COL6A6: variants seen among roughly 807,000 people sequenced by gnomAD.
COL6A6 encodes collagen type VI alpha 6 chain, also known as collagen alpha-6(VI) chain.
In COL6A6, 183 loss-of-function variants were observed where a neutral mutation model predicts 208.6. The observed-to-expected ratio is 0.88, with a 90% CI of 0.78 to 0.99. The LOEUF (loss-of-function observed/expected upper bound fraction) is 0.99, where lower values mean the gene tolerates loss of function less well. Ranked by LOEUF, COL6A6 falls within the 50% of genes least tolerant of loss-of-function variation. The pLI, the probability that COL6A6 is intolerant of heterozygous loss-of-function variation, is 0.00. For synonymous variants in COL6A6, 973 were observed against 1,011.8 expected (o/e 0.96, Z 0.73); for missense variants, 2,816 against 2,815.2 (o/e 1.00, Z -0.01).
At chr3:130,616,215 G>T (rs2064516172) in intron 23 of COL6A6, among the ~76,000 whole-genome samples, 1 of 151,354 alleles carries the variant, frequency 6.6e-6, no homozygotes, top group Admixed American at 6.6e-5. Context: ...CCCTGCCATA[G>T]GTTTCATATT....
chr3:130,597,940 C>T (rs574716697), intron 18 of COL6A6, among the ~76,000 whole-genome samples: 34 of 152,256 alleles, frequency 2.2e-4, no homozygotes, highest in African/African-American at 7.9e-4. Flanking sequence ...CAAATTTTGT[C>T]TTTTCCCAAG....
chr3:130,602,822 A>G (rs1041951906), intron 20 of COL6A6, among the ~76,000 whole-genome samples: 1 of 152,224 alleles, frequency 6.6e-6, no homozygotes, highest in Admixed American at 6.5e-5. Context: ...ATATTTCTAG[A>G]TGGAGGAGTT....
chr3:130,578,841 C>A (rs1335491561), intron 8 of COL6A6, among the ~76,000 whole-genome samples: 1 of 152,174 alleles, frequency 6.6e-6, no homozygotes, highest in Non-Finnish European at 1.5e-5. Context: ...GGTGGCCGTT[C>A]TGCAGTGAGC....
Position 130,599,799 on chromosome 3 carries a change from A to C in COL6A6, c.4642A>C (p.Arg1548=). ...WPGPPGTPGS[R]RKTAAHGRRG... is the part of the protein sequence containing the mutation. ...AGGCCCCCCCGGGACACCAGGCTCC[A>C]GAAGAAAGACAGTAAGAGCCCTTCT... Residue 1548 remains arginine, a synonymous_variant, in exon 20 of 37, where the codon AGA becomes CGA. Coordinates refer to ENST00000358511, the MANE Select transcript of COL6A6 (RefSeq NM_001102608.3). 6.2e-7 allele frequency: 1 copy of C among 1,613,780 alleles called. No individual in the cohort carries two copies. The highest frequency in any genetic ancestry group is 1.1e-5 in the South Asian group (1 of 91,068).
At chr3:130,600,786 A>G in intron 20 of COL6A6, among the ~76,000 whole-genome samples, 1 of 152,122 alleles carries the variant, frequency 6.6e-6, no homozygotes, top group Non-Finnish European at 1.5e-5. Flanking sequence ...CTAGATGAAC[A>G]GTTGATAGGT....
intron 1 of COL6A6, among the ~76,000 whole-genome samples, chr3:130,554,688 C>A (rs2062727499): frequency 6.6e-6 from 1 of 152,280 alleles, no homozygotes; most frequent in African/African-American, 2.4e-5. Context: ...ATAAGGTGTA[C>A]ACATCCACCT....
Position 130,583,115 on chromosome 3 carries a change from A to G in COL6A6, c.3970+1047A>G, listed in dbSNP as rs541654640. On this transcript the variant is annotated intron_variant, in intron 10 of 36. Transcript: ENST00000358511. The stretch of plus-strand genomic sequence containing the variant: ...ACTCTGTTTCTAGGGAACATGACCT[A>G]AGACATTATCTCTCAGGTTAGCTAA... Among the ~76,000 whole-genome samples, 3 of 152,202 alleles carry G rather than the reference A, an allele frequency of 2.0e-5. No individual in the cohort carries two copies. In the South Asian group the frequency reaches 6.2e-4, roughly 32 times the overall value.
intron 2 of COL6A6, among the ~76,000 whole-genome samples, chr3:130,562,465 C>A (rs568911193): frequency 6.6e-6 from 1 of 152,094 alleles, no homozygotes; most frequent in Non-Finnish European, 1.5e-5. Flanking sequence ...TTTAAAATAA[C>A]CTTGAAAAAG....
chr3:130,622,997 T>C (rs1357883045), intron 24 of COL6A6, among the ~76,000 whole-genome samples: 1 of 151,494 alleles, frequency 6.6e-6, no homozygotes, highest in African/African-American at 2.4e-5. Flanking sequence ...GAAGAGGAGG[T>C]ATCTAGGCAT....
In COL6A6 at chr3:130,563,565, A is replaced by C; in HGVS notation, c.562A>C (p.Thr188Pro). The change falls in exon 3 of 37, where the codon ACA becomes CCA. Residue 188 changes from threonine to proline, a missense_variant. Transcript: ENST00000358511. The stretch of plus-strand genomic sequence containing the variant: ...GTCTCAGTTTCATTTCAACCTTCGG[A>C]CAGTCAGAGACCTCAGCATGTTTTC... ...ATSQFHFNLR[T>P]VRDLSMFSQN... The C allele has an allele frequency of 6.2e-7, 1 of 1,614,058 alleles. No homozygotes were observed. Among genetic ancestry groups the C allele is most frequent in the Non-Finnish European group, 8.5e-7 (1 of 1,179,896 alleles).
intron 34 of COL6A6, among the ~76,000 whole-genome samples, chr3:130,661,111 T>C (rs2065919765): frequency 6.6e-6 from 1 of 152,232 alleles, no homozygotes; most frequent in South Asian, 2.1e-4. Context: ...ATGAGCACTA[T>C]GGAAATGCAA....
chr3:130,597,057 A>G (rs1462540082), intron 18 of COL6A6, among the ~76,000 whole-genome samples: 1 of 152,184 alleles, frequency 6.6e-6, no homozygotes, highest in Non-Finnish European at 1.5e-5. Flanking sequence ...GTGCTGGTAT[A>G]TGATTCTTTT....
rs992044466 is a variant in COL6A6 at position 130,517,300 on chromosome 3, C to T, written c.-129C>T. ...CGCAGGCGGCACCAAACTCTGCGCTCCCCGCGGTGCGCCCTGCCCGCGCAG... is the reference window on the plus strand; with the variant it reads ...CGCAGGCGGCACCAAACTCTGCGCTTCCCGCGGTGCGCCCTGCCCGCGCAG... On this transcript the variant is annotated 5_prime_UTR_variant, in exon 1 of 37. Transcript: ENST00000358511. Among the ~76,000 whole-genome samples, 1 of 152,226 alleles carries T rather than the reference C, an allele frequency of 6.6e-6. No individual in the cohort carries two copies. Among genetic ancestry groups the T allele is most frequent in the Admixed American group, 6.5e-5 (1 of 15,286 alleles).
chr3:130,646,592 G>A (rs2065467658), intron 32 of COL6A6, among the ~76,000 whole-genome samples: 1 of 152,106 alleles, frequency 6.6e-6, no homozygotes, highest in African/African-American at 2.4e-5. Flanking sequence ...AAAACCAAAG[G>A]AGCCATCTTT....
intron 12 of COL6A6, chr3:130,589,981 T>G (rs1482320195): frequency 2.2e-6 from 1 of 447,348 alleles, no homozygotes; most frequent in Admixed American, 2.4e-5. Flanking sequence ...CAGCTTCATG[T>G]AAAGAGAGTG....
At position 130,581,862 on chromosome 3, in the gene COL6A6, T is replaced by C; in HGVS notation, c.3849T>C (p.Ser1283=). Residue 1283 remains serine (S), a synonymous_variant, in exon 9 of 37, where the codon TCT becomes TCC. Coordinates refer to ENST00000358511, the MANE Select transcript of COL6A6 (RefSeq NM_001102608.3). ...PSLLNANLLD[S]LWDTFQNKSA... is the part of the protein sequence containing the mutation. ...TTCTCAATGCAAACCTCTTGGATTC[T>C]CTATGGGATACATTTCAGAATAAAT... is the stretch of plus-strand genomic sequence containing the variant. 6.2e-7 allele frequency: 1 copy of C among 1,611,858 alleles called. No individual in the cohort carries two copies. The highest frequency in any genetic ancestry group is 8.5e-7 in the Non-Finnish European group (1 of 1,178,530).
intron 26 of COL6A6, among the ~76,000 whole-genome samples, 200 bp from the exon 27 acceptor site, chr3:130,634,390 G>T (rs981111712): frequency 6.6e-6 from 1 of 152,088 alleles, no homozygotes; most frequent in African/African-American, 2.4e-5. Context: ...ATGATATGTT[G>T]ATGAAACCCT....
chr3:130,528,553 T>A (rs2062012299), intron 1 of COL6A6, among the ~76,000 whole-genome samples: 1 of 152,222 alleles, frequency 6.6e-6, no homozygotes, highest in African/African-American at 2.4e-5. Context: ...AATGCAGCCG[T>A]AGATAGTACA....
intron 1 of COL6A6, among the ~76,000 whole-genome samples, chr3:130,527,936 T>C (rs982125197): frequency 1.4e-5 from 2 of 146,564 alleles, no homozygotes; most frequent in African/African-American, 5.1e-5. Context: ...GTTGTTGTTG[T>C]TGCCCTACTC....
Sources: allele counts gnomAD v4.1 joint callset (sites outside exome capture counted in the v4.1 genomes callset), GRCh38; gene constraint gnomAD v4.1.1; transcripts MANE v1.5; gene names NCBI Gene and HGNC (gene_info 2026-07-23, HGNC 2026-07-21).